The following RNF5 variants were observed in gnomAD, a reference collection of about 807,000 sequenced individuals.
The protein encoded by RNF5 is ring finger protein 5, also known as E3 ubiquitin-protein ligase RNF5.
Under a neutral mutation model 24.4 loss-of-function variants are expected in RNF5, and 16 were observed. That is an observed-to-expected ratio of 0.66 (90% CI 0.44 to 1.00). RNF5 has a LOEUF of 1.00. Ranked by LOEUF, RNF5 falls within the 50% of genes least tolerant of loss-of-function variation. RNF5 has a pLI of 0.00. For missense variants in RNF5, 185 were observed against 236.7 expected, an observed-to-expected ratio of 0.78 and a Z score of 1.43; for synonymous variants, 64 against 88.5, an observed-to-expected ratio of 0.72 and a Z score of 1.55.
Position 32,178,615 on chromosome 6 carries a change from G to C in RNF5, c.104G>C (p.Arg35Pro), listed in dbSNP as rs1475465807. Reference protein sequence around the residue: ...FECNICLETAREAVVSVCGHL... With the variant: ...FECNICLETAPEAVVSVCGHL... ...TGTAATATATGTTTGGAGACTGCTC[G>C]GGAAGCTGTGGTCAGTGTGTGTGGC... Residue 35 changes from arginine (R) to proline (P), a missense_variant, in exon 1 of 6, where the codon CGG becomes CCG. Coordinates refer to ENST00000375094, the MANE Select transcript of RNF5 (RefSeq NM_006913.4). The C allele has an allele frequency of 1.2e-6, 2 of 1,611,814 alleles. No homozygotes were observed. The highest frequency in any genetic ancestry group is 1.7e-6 in the Non-Finnish European group (2 of 1,179,960).
Position 32,180,561 on chromosome 6 carries a change from G to C in RNF5, c.*235G>C. 1.8e-6 allele frequency: 1 copy of C among 546,052 alleles called. No homozygotes were observed. The allele number at this position is 546,052 out of a possible 1,614,324, so 33.8% of individuals were successfully genotyped here. On this transcript the variant is annotated 3_prime_UTR_variant, in exon 6 of 6. Transcript: ENST00000375094. ...TGTTTAATTCTCTGCCCTGGGGAAG[G>C]AGGATGGATTGAGAGAATGTCTTTC...
Position 32,179,513 on chromosome 6 carries a change from CCTT to C in RNF5, c.141-27_141-25del, listed in dbSNP as rs1340489193. ...TCTCTCTTTTCTGTAGCTAGTTTGACCTTTTTTTTTTTTTCTCCCCCATCCAGT... is the reference window on the plus strand; with the variant it reads ...TCTCTCTTTTCTGTAGCTAGTTTGACTTTTTTTTTTTCTCCCCCATCCAGT... On this transcript the variant is annotated intron_variant, in intron 1 of 5. Transcript: ENST00000375094. This position sits in a 1 kb window ranked among gnomAD's most constrained non-coding sequence, Gnocchi z 5.4. 6 of 1,608,250 alleles carry C rather than the reference CCTT, an allele frequency of 3.7e-6. No individual in the cohort carries two copies. In the African/African-American group the frequency reaches 6.7e-5, roughly 18 times the overall value.
At position 32,179,253 on chromosome 6, in the gene RNF5, C is replaced by T. The variant is rs1785864653; in HGVS notation, c.141-288C>T. ...GTGGCTGAAGGAAATTAGAAATTAA[C>T]TTGAAAGGCAGAAAAGAGAGGGCAC... On this transcript the variant is annotated intron_variant, in intron 1 of 5. Coordinates refer to ENST00000375094, the MANE Select transcript of RNF5 (RefSeq NM_006913.4). The surrounding 1 kb of genome is among the most constrained non-coding windows in gnomAD (Gnocchi z 5.4). 6.6e-6 allele frequency among the ~76,000 whole-genome samples: 1 copy of T among 151,800 alleles called. No homozygotes were observed. The highest frequency in any genetic ancestry group is 2.4e-5 in the African/African-American group (1 of 41,332).
At position 32,178,522 on chromosome 6, in the gene RNF5, C is replaced by CGGA. The variant is rs1319112455; in HGVS notation, c.21_23dup (p.Glu7dup). ...GAAACAAAACCGGCCATGGCAGCAG[C>CGGA]GGAGGAGGAGGACGGGGGCCCCGAA... On this transcript the variant is annotated inframe_insertion, in exon 1 of 6. Transcript: ENST00000375094. 1 of 1,602,298 alleles carries CGGA rather than the reference C, an allele frequency of 6.2e-7. No individual in the cohort carries two copies. The highest frequency in any genetic ancestry group is 1.7e-5 in the Admixed American group (1 of 59,332).
At chr6:32,180,189 C>G (rs1175532495) in intron 5 of RNF5, 40 bp from the exon 6 acceptor site, 1 of 1,610,444 alleles carries the variant, frequency 6.2e-7, no homozygotes, top group African/African-American at 1.3e-5. Context: ...CCCTCCCAGC[C>G]TAGGAGCATA....
rs766090969 is a variant in RNF5, at chr6:32,179,936, GTCT to G, written c.327+10_327+12del. On this transcript the variant is annotated splice_donor_region_variant and intron_variant, in intron 4 of 5. Transcript: ENST00000375094. This position sits in a 1 kb window ranked among gnomAD's most constrained non-coding sequence, Gnocchi z 5.4. ...CCAGCTCCGGAGAGCAGAGGGGTGA[GTCT>G]TCTTGTCCAGTTGTGTCCCTTCCTT... The G allele has an allele frequency of 1.9e-6, 3 of 1,614,236 alleles. No individual in the cohort carries two copies. Among genetic ancestry groups the G allele is most frequent in the South Asian group, 1.1e-5 (1 of 91,088 alleles).
chr6:32,178,896 G>T (rs1391657444), intron 1 of RNF5, among the ~76,000 whole-genome samples: 7 of 152,118 alleles, frequency 4.6e-5, no homozygotes, highest in African/African-American at 1.7e-4. Flanking sequence ...AAGGTGGGGC[G>T]GGGAGTGGCA....
At position 32,180,129 on chromosome 6, in the gene RNF5, AAG is replaced by A. The variant is rs1467693368; in HGVS notation, c.445+6_445+7del. The stretch of plus-strand genomic sequence containing the variant: ...TGAGCCTTTCCGCCGGGGTACAGGT[AAG>A]AGTCACACTCAGCTCCCATCAGGGA... On this transcript the variant is annotated splice_donor_5th_base_variant and intron_variant, in intron 5 of 5. Coordinates refer to ENST00000375094, the MANE Select transcript of RNF5 (RefSeq NM_006913.4). 5.6e-6 allele frequency: 9 copies of A among 1,613,698 alleles called. No homozygotes were observed. The highest frequency in any genetic ancestry group is 6.8e-6 in the Non-Finnish European group (8 of 1,179,926).
chr6:32,179,924 G>C lies in RNF5; in HGVS notation c.320G>C (p.Ser107Thr), dbSNP rs771331731. 27 of 1,614,214 alleles carry C rather than the reference G, an allele frequency of 1.7e-5. No homozygotes were observed. The highest frequency in any genetic ancestry group is 1.5e-4 in the South Asian group (14 of 91,090). ...CAGGGCCAGAGACCAGCTCCGGAGAGCAGAGGGGTGAGTCTTCTTGTCCAG... is the reference window on the plus strand; with the variant it reads ...CAGGGCCAGAGACCAGCTCCGGAGACCAGAGGGGTGAGTCTTCTTGTCCAG... Reference protein sequence around the residue: ...RPQGQRPAPESRGGFQPFGDT... With the variant: ...RPQGQRPAPETRGGFQPFGDT... Residue 107 changes from serine to threonine, a missense_variant, in exon 4 of 6, where the codon AGC becomes ACC. Transcript: ENST00000375094. The surrounding 1 kb of genome is among the most constrained non-coding windows in gnomAD (Gnocchi z 5.4).
Position 32,180,355 on chromosome 6 carries a change from C to A in RNF5, c.*29C>A, listed in dbSNP as rs767727899. On this transcript the variant is annotated 3_prime_UTR_variant, in exon 6 of 6. Coordinates refer to ENST00000375094, the MANE Select transcript of RNF5 (RefSeq NM_006913.4). ...ATGTCTGCTTCCTGCCCACCTCCAGCCAGAGAAGAATCAGTATTGAGGGTC... is the reference window on the plus strand; with the variant it reads ...ATGTCTGCTTCCTGCCCACCTCCAGACAGAGAAGAATCAGTATTGAGGGTC... 4.4e-6 allele frequency: 7 copies of A among 1,581,650 alleles called. No individual in the cohort carries two copies. The highest frequency in any genetic ancestry group is 1.3e-5 in the African/African-American group (1 of 74,564).
chr6:32,179,470 C>G lies in RNF5; in HGVS notation c.141-71C>G. The G allele has an allele frequency of 6.3e-7, 1 of 1,587,616 alleles. No individual in the cohort carries two copies. Among genetic ancestry groups the G allele is most frequent in the Non-Finnish European group, 8.6e-7 (1 of 1,160,382 alleles). ...GGAAGAGGGGTTAGATGGGATTCTG[C>G]GAAGTCTAGGGTCTGTGTCTCTCTT... On this transcript the variant is annotated intron_variant, in intron 1 of 5. Transcript: ENST00000375094. This position sits in a 1 kb window ranked among gnomAD's most constrained non-coding sequence, Gnocchi z 5.4.
At position 32,179,514 on chromosome 6, in the gene RNF5, CTT is replaced by C. The variant is rs374442418; in HGVS notation, c.141-15_141-14del. On this transcript the variant is annotated intron_variant, in intron 1 of 5. Transcript: ENST00000375094. The surrounding 1 kb of genome is among the most constrained non-coding windows in gnomAD (Gnocchi z 5.4). The stretch of plus-strand genomic sequence containing the variant: ...CTCTCTTTTCTGTAGCTAGTTTGAC[CTT>C]TTTTTTTTTTTCTCCCCCATCCAGT... 2.8e-4 allele frequency: 383 copies of C among 1,374,902 alleles called. No individual in the cohort carries two copies. The highest frequency in any genetic ancestry group is 8.2e-4 in the Admixed American group (46 of 56,010). 85.2% of individuals were successfully genotyped at this position (1,374,902 alleles called of 1,614,324 possible).
chr6:32,179,463 G>T lies in RNF5; in HGVS notation c.141-78G>T. 6.3e-7 allele frequency: 1 copy of T among 1,576,622 alleles called. No homozygotes were observed. Among genetic ancestry groups the T allele is most frequent in the Non-Finnish European group, 8.7e-7 (1 of 1,149,232 alleles). On this transcript the variant is annotated intron_variant, in intron 1 of 5. Coordinates refer to ENST00000375094, the MANE Select transcript of RNF5 (RefSeq NM_006913.4). The surrounding 1 kb of genome is among the most constrained non-coding windows in gnomAD (Gnocchi z 5.4). ...TTGCTTGGGAAGAGGGGTTAGATGG[G>T]ATTCTGCGAAGTCTAGGGTCTGTGT...
chr6:32,179,969 G>C lies in RNF5; in HGVS notation c.327+38G>C. ...GTCCAGTTGTGTCCCTTCCTTGACA[G>C]ATTTGCCGGCTTCCTGTCTGACTTT... is the stretch of plus-strand genomic sequence containing the variant. On this transcript the variant is annotated intron_variant, in intron 4 of 5. Coordinates refer to ENST00000375094, the MANE Select transcript of RNF5 (RefSeq NM_006913.4). This position sits in a 1 kb window ranked among gnomAD's most constrained non-coding sequence, Gnocchi z 5.4. 1 of 1,614,212 alleles carries C rather than the reference G, an allele frequency of 6.2e-7. No individual in the cohort carries two copies. The highest frequency in any genetic ancestry group is 8.5e-7 in the Non-Finnish European group (1 of 1,180,014).
chr6:32,179,567 C>G lies in RNF5; in HGVS notation c.159+8C>G. ...TGGCCATGTCTTCATCAGGTGCGTACTCAGGAGATGAAGAGGGAAATGGGG... is the reference window on the plus strand; with the variant it reads ...TGGCCATGTCTTCATCAGGTGCGTAGTCAGGAGATGAAGAGGGAAATGGGG... On this transcript the variant is annotated splice_region_variant and intron_variant, in intron 2 of 5. Coordinates refer to ENST00000375094, the MANE Select transcript of RNF5 (RefSeq NM_006913.4). The surrounding 1 kb of genome is among the most constrained non-coding windows in gnomAD (Gnocchi z 5.4). 6.2e-7 allele frequency: 1 copy of G among 1,613,006 alleles called. No individual in the cohort carries two copies. The highest frequency in any genetic ancestry group is 2.2e-5 in the East Asian group (1 of 44,870).
rs1250344841 is a variant in RNF5 at position 32,179,806 on chromosome 6, T to C, written c.272+43T>C. On this transcript the variant is annotated intron_variant, in intron 3 of 5. Transcript: ENST00000375094. The surrounding 1 kb of genome is among the most constrained non-coding windows in gnomAD (Gnocchi z 5.4). ...TTGCTTAGGGAAGATTGAAGGCTTC[T>C]GCCCTTGGAAAACGGTGTGGAAGAT... 1 of 1,613,414 alleles carries C rather than the reference T, an allele frequency of 6.2e-7. No homozygotes were observed.
rs775399252 is a variant in RNF5 at position 32,179,666 on chromosome 6, C to T, written c.175C>T (p.Pro59Ser). Residue 59 changes from proline to serine, a missense_variant, in exon 3 of 6, where the codon CCA becomes TCA. Physicochemically the swap from Pro to Ser is moderately conservative, Grantham distance 74. Coordinates refer to ENST00000375094, the MANE Select transcript of RNF5 (RefSeq NM_006913.4). This position sits in a 1 kb window ranked among gnomAD's most constrained non-coding sequence, Gnocchi z 5.4. ...PCLHQWLETR[P>S]ERQECPVCKA... Reference sequence around the variant, plus strand: ...TTCTCCCCAGTGGCTGGAGACACGGCCAGAACGGCAAGAGTGTCCAGTATG... The same window carrying T: ...TTCTCCCCAGTGGCTGGAGACACGGTCAGAACGGCAAGAGTGTCCAGTATG... 5.6e-6 allele frequency: 9 copies of T among 1,614,090 alleles called. No homozygotes were observed. Among genetic ancestry groups the T allele is most frequent in the East Asian group, 2.2e-5 (1 of 44,888 alleles).
rs1275633214 is a variant in RNF5, at chr6:32,180,592, T to A, written c.*266T>A. ...GGATTGAGAGAATGTCTTTCTCCTC[T>A]CCTAAGTCTTTGCTTTCCCTGATTT... On this transcript the variant is annotated 3_prime_UTR_variant, in exon 6 of 6. Transcript: ENST00000375094. 2.0e-6 allele frequency: 1 copy of A among 502,270 alleles called. No homozygotes were observed. Among genetic ancestry groups the A allele is most frequent in the African/African-American group, 1.9e-5 (1 of 51,636 alleles). The allele number at this position is 502,270 out of a possible 1,614,324, so 31.1% of individuals were successfully genotyped here. A position where few individuals can be genotyped will look rare whatever the true frequency, so the allele number is the denominator to read the frequency against.
chr6:32,180,172 T>A, intron 5 of RNF5, 46 bp downstream of exon 5: 1 of 1,610,306 alleles, frequency 6.2e-7, no homozygotes, highest in Non-Finnish European at 8.5e-7. Context: ...GTGAATCCCC[T>A]CAGGCCCCCT....
Sources: gnomAD v4.1 joint callset for allele counts (sites outside exome capture counted in the v4.1 genomes callset) on GRCh38, gnomAD v4.1.1 for gene constraint, Gnocchi (gnomAD v3.1) non-coding constraint, MANE v1.5 for transcripts, NCBI Gene and HGNC (gene_info 2026-07-23, HGNC 2026-07-21) for gene names.